Variants in PTPRN2 observed in about 807,000 individuals in gnomAD.
PTPRN2 encodes protein tyrosine phosphatase receptor type N2, also known as receptor-type tyrosine-protein phosphatase N2.
Under a neutral mutation model 118.8 loss-of-function variants are expected in PTPRN2, and 74 were observed. The observed-to-expected ratio is 0.62, with a 90% CI of 0.52 to 0.76. The LOEUF (loss-of-function observed/expected upper bound fraction) is 0.76, where lower values mean the gene tolerates loss of function less well. Among genes scored for constraint, PTPRN2 ranks in the 30% least tolerant of loss-of-function variants. The pLI, the probability that PTPRN2 is intolerant of heterozygous loss-of-function variation, is 0.00. For missense variants in PTPRN2, 1,481 were observed against 1,394.4 expected, an observed-to-expected ratio of 1.06 and a Z score of -0.99; for synonymous variants, 641 against 608.0, an observed-to-expected ratio of 1.05 and a Z score of -0.80.
chr7:158,216,109 A>T (rs1827937763), intron 3 of PTPRN2, among the ~76,000 whole-genome samples: 1 of 152,206 alleles, frequency 6.6e-6, no homozygotes, highest in South Asian at 2.1e-4. Context: ...GTCATAAAGG[A>T]AGGTAAAGTT....
chr7:157,799,880 G>T (rs28369131), intron 12 of PTPRN2, among the ~76,000 whole-genome samples: 1,779 of 91,030 alleles, frequency 0.02, 28 homozygotes, highest in African/African-American at 0.047. Flanking sequence ...TCCCTCAGAG[G>T]CACCACAGCC....
intron 3 of PTPRN2, among the ~76,000 whole-genome samples, chr7:158,251,699 G>T (rs1441164275): frequency 6.6e-6 from 1 of 151,574 alleles, no homozygotes; most frequent in Non-Finnish European, 1.5e-5. Context: ...GTGTGTGCAG[G>T]TGTGCAATGG....
intron 3 of PTPRN2, among the ~76,000 whole-genome samples, chr7:158,301,654 G>A (rs370742690): frequency 1.3e-5 from 2 of 152,122 alleles, no homozygotes; most frequent in East Asian, 3.9e-4. Context: ...TTAATCTTAA[G>A]AACAATCCCA....
In PTPRN2 at chr7:158,253,874, C is replaced by G. The variant is rs71545577; in HGVS notation, c.278-48601G>C. The stretch of plus-strand genomic sequence containing the variant: ...AGCAGAGGAAGCATCCCTGTAACTG[C>G]ACGGCGGCACAGAGCCACTGCCCAC... On this transcript the variant is annotated intron_variant, in intron 3 of 22. Transcript: ENST00000389418. Among the ~76,000 whole-genome samples, 154 of 144,722 alleles carry G rather than the reference C, an allele frequency of 1.1e-3. 12 individuals are homozygous for G. The highest frequency in any genetic ancestry group is 3.8e-3 in the African/African-American group (147 of 38,926). 94.9% of individuals were successfully genotyped at this position (144,722 alleles called of 152,430 possible).
At chr7:158,192,906 G>T (rs1825894474) in intron 4 of PTPRN2, among the ~76,000 whole-genome samples, 1 of 152,212 alleles carries the variant, frequency 6.6e-6, no homozygotes, top group Non-Finnish European at 1.5e-5. Context: ...GCTTCTGCTG[G>T]GTTTGTGGGT....
At chr7:158,318,161 TC>T (rs1320610289) in intron 2 of PTPRN2, among the ~76,000 whole-genome samples, 3 of 151,954 alleles carry the variant, frequency 2.0e-5, no homozygotes, top group Non-Finnish European at 4.4e-5. Flanking sequence ...CCCCCCACCG[TC>T]CGTGATGGAC....
At chr7:157,842,027 C>G (rs1808459445) in intron 12 of PTPRN2, among the ~76,000 whole-genome samples, 1 of 152,202 alleles carries the variant, frequency 6.6e-6, no homozygotes, top group South Asian at 2.1e-4. Flanking sequence ...ATAGCCACAT[C>G]CAATTGAAAG....
At chr7:158,150,067 C>A (rs535987948) in intron 6 of PTPRN2, among the ~76,000 whole-genome samples, 9 of 152,138 alleles carry the variant, frequency 5.9e-5, no homozygotes. Flanking sequence ...AAAACAGAGT[C>A]ATCTGAGGGA....
At chr7:158,351,859 A>C (rs1586426409) in intron 2 of PTPRN2, among the ~76,000 whole-genome samples, 5 of 146,586 alleles carry the variant, frequency 3.4e-5, no homozygotes, top group Admixed American at 1.4e-4. Flanking sequence ...CTGACCACCC[A>C]CTCCCAGCCC....
At chr7:157,975,518 C>T (rs567925526) in intron 11 of PTPRN2, among the ~76,000 whole-genome samples, 7 of 152,266 alleles carry the variant, frequency 4.6e-5, no homozygotes, top group South Asian at 4.1e-4. Flanking sequence ...CATATTCCCA[C>T]GGCCCCACGA....
At chr7:158,505,751 C>T (rs567183693) in intron 1 of PTPRN2, among the ~76,000 whole-genome samples, 76 of 152,066 alleles carry the variant, frequency 5.0e-4, no homozygotes, top group Non-Finnish European at 1.0e-3. Flanking sequence ...CCTGAGCACG[C>T]GCCTCACTCC....
chr7:158,416,972 A>G (rs1814713900), intron 2 of PTPRN2, among the ~76,000 whole-genome samples: 1 of 152,240 alleles, frequency 6.6e-6, no homozygotes, highest in African/African-American at 2.4e-5. Flanking sequence ...CAACTATCAC[A>G]GCCTAGACAA....
chr7:158,173,182 C>T (rs1370073573), intron 5 of PTPRN2, among the ~76,000 whole-genome samples: 1 of 151,998 alleles, frequency 6.6e-6, no homozygotes, highest in African/African-American at 2.4e-5. Flanking sequence ...ATCACCCTCA[C>T]CATCAGCATC....
intron 2 of PTPRN2, among the ~76,000 whole-genome samples, chr7:158,336,621 G>A (rs1805594011): frequency 7.3e-6 from 1 of 137,392 alleles, no homozygotes; most frequent in Admixed American, 7.4e-5. Context: ...CATAATTGGT[G>A]ACACATGCAG....
At chr7:158,129,250 C>G (rs62649318) in intron 9 of PTPRN2, among the ~76,000 whole-genome samples, 1 of 149,834 alleles carries the variant, frequency 6.7e-6, no homozygotes, top group Admixed American at 6.6e-5. Flanking sequence ...AACAGACACC[C>G]CACACTACAC....
chr7:158,169,217 G>T (rs1438673552), intron 5 of PTPRN2, among the ~76,000 whole-genome samples: 1 of 152,152 alleles, frequency 6.6e-6, no homozygotes, highest in Non-Finnish European at 1.5e-5. Context: ...GTTGGGAAGT[G>T]GGTTGATAGA....
At chr7:158,391,612 C>T (rs1811934007) in intron 2 of PTPRN2, among the ~76,000 whole-genome samples, 1 of 152,206 alleles carries the variant, frequency 6.6e-6, no homozygotes, top group Non-Finnish European at 1.5e-5. Flanking sequence ...CCCACCAGCA[C>T]CCATGCTGCA....
intron 11 of PTPRN2, among the ~76,000 whole-genome samples, chr7:157,991,704 G>A (rs890669571): frequency 1.3e-5 from 2 of 152,228 alleles, no homozygotes; most frequent in East Asian, 3.9e-4. Flanking sequence ...GCACGGGGCT[G>A]TTCTCAGCAG....
rs80161064 is a variant in PTPRN2, at chr7:157,690,260, A to G, written c.1789-7323T>C. ...AGGCCCACCCTAGACCCACTTGGGG[A>G]TGATCCCAGGCGCAGCTCTCCCCTG... On this transcript the variant is annotated intron_variant, in intron 12 of 22. Transcript: ENST00000389418. This position sits in a 1 kb window ranked among gnomAD's most constrained non-coding sequence, Gnocchi z 7.1. 2.2e-3 allele frequency among the ~76,000 whole-genome samples: 335 copies of G among 152,192 alleles called. 1 individual carries two copies. The highest frequency in any genetic ancestry group is 7.6e-3 in the African/African-American group (315 of 41,526).
Sources: allele counts gnomAD v4.1 joint callset (sites outside exome capture counted in the v4.1 genomes callset), GRCh38; gene constraint gnomAD v4.1.1; non-coding constraint Gnocchi (gnomAD v3.1); transcripts MANE v1.5; gene names NCBI Gene and HGNC (gene_info 2026-07-23, HGNC 2026-07-21).